Variants in ANTXR1 observed in about 807,000 individuals in gnomAD.
ANTXR1 encodes the protein ANTXR cell adhesion molecule 1.
Under a neutral mutation model 78.1 loss-of-function variants are expected in ANTXR1, and 19 were observed. The observed-to-expected ratio is 0.24, with a 90% CI of 0.17 to 0.36. The LOEUF is 0.36. ANTXR1 is among the 10% of genes least tolerant of loss of function. The pLI, the probability that ANTXR1 is intolerant of heterozygous loss-of-function variation, is 1.00. For missense variants in ANTXR1, 518 were observed against 718.6 expected (o/e 0.72, Z 3.19); for synonymous variants, 273 against 260.5 (o/e 1.05, Z -0.46).
At chr2:69,021,151 T>G (rs1312225709) in intron 1 of ANTXR1, among the ~76,000 whole-genome samples, 2 of 152,208 alleles carry the variant, frequency 1.3e-5, no homozygotes, top group Admixed American at 1.3e-4. Flanking sequence ...TTTGCCTGTA[T>G]GACCCTGTTT....
At chr2:69,159,243 C>A (rs1673613082) in intron 13 of ANTXR1, among the ~76,000 whole-genome samples, 1 of 151,880 alleles carries the variant, frequency 6.6e-6, no homozygotes, top group Admixed American at 6.6e-5. Context: ...ATATGAGAAA[C>A]CCCAAGTGAA....
chr2:69,192,471 C>T (rs1382505393), intron 16 of ANTXR1, among the ~76,000 whole-genome samples: 1 of 152,198 alleles, frequency 6.6e-6, no homozygotes, highest in Non-Finnish European at 1.5e-5. Flanking sequence ...ACATCTCCTT[C>T]TCTGGATTTG....
intron 1 of ANTXR1, among the ~76,000 whole-genome samples, chr2:69,029,614 GT>G (rs1553431266): frequency 6.6e-6 from 1 of 151,736 alleles, no homozygotes; most frequent in Non-Finnish European, 1.5e-5. Flanking sequence ...ACTGGCGTTA[GT>G]TTTTTTACTC....
intron 17 of ANTXR1, among the ~76,000 whole-genome samples, chr2:69,220,950 C>T (rs1158923805): frequency 6.6e-6 from 1 of 152,158 alleles, no homozygotes; most frequent in Non-Finnish European, 1.5e-5. Context: ...TGCTCGTATG[C>T]ACCATCTTAA....
At chr2:69,237,406 C>T (rs1018193466) in intron 17 of ANTXR1, among the ~76,000 whole-genome samples, 8 of 152,206 alleles carry the variant, frequency 5.3e-5, no homozygotes, top group Non-Finnish European at 1.0e-4. Flanking sequence ...ACACACCCTT[C>T]TCTTTGCCCG....
chr2:69,162,508 C>G (rs532271235), intron 13 of ANTXR1, among the ~76,000 whole-genome samples: 1 of 152,284 alleles, frequency 6.6e-6, no homozygotes, highest in East Asian at 1.9e-4. Flanking sequence ...AAACCTGAAA[C>G]CTCTGGCAGG....
At chr2:69,165,769 A>G (rs1214568511) in intron 13 of ANTXR1, among the ~76,000 whole-genome samples, 1 of 152,236 alleles carries the variant, frequency 6.6e-6, no homozygotes, top group Non-Finnish European at 1.5e-5. Context: ...ACTGCACAAG[A>G]CTGTAACAGT....
chr2:69,088,279 G>A (rs1292991781), intron 8 of ANTXR1, among the ~76,000 whole-genome samples: 1 of 152,130 alleles, frequency 6.6e-6, no homozygotes, highest in Non-Finnish European at 1.5e-5. Flanking sequence ...AACTCGGGTT[G>A]GGTAAAAATT....
At chr2:69,230,741 A>G (rs1675574677) in intron 17 of ANTXR1, among the ~76,000 whole-genome samples, 1 of 152,184 alleles carries the variant, frequency 6.6e-6, no homozygotes, top group Non-Finnish European at 1.5e-5. Context: ...ACCCCTTTCC[A>G]GATTGCAACA....
In ANTXR1 at chr2:69,185,873, C is replaced by T. The variant is rs187169215; in HGVS notation, c.1353+3213C>T. Among the ~76,000 whole-genome samples the T allele has an allele frequency of 1.3e-3, 199 of 152,290 alleles. 1 individual carries two copies. Among genetic ancestry groups the T allele is most frequent in the African/African-American group, 4.4e-3 (183 of 41,548 alleles). On this transcript the variant is annotated intron_variant, in intron 16 of 17. Transcript: ENST00000303714. ...GAAGAGCTCCTCGGCAGGACTCCCTCGTTAGGACGTGCAGAGCATGAATCC... is the reference window on the plus strand; with the variant it reads ...GAAGAGCTCCTCGGCAGGACTCCCTTGTTAGGACGTGCAGAGCATGAATCC...
intron 1 of ANTXR1, among the ~76,000 whole-genome samples, chr2:69,015,269 T>C (rs1209125830): frequency 1.2e-5 from 1 of 85,806 alleles, no homozygotes; most frequent in Non-Finnish European, 2.2e-5. Context: ...AGGCTTATCT[T>C]AGCAAAAAAA....
intron 17 of ANTXR1, among the ~76,000 whole-genome samples, chr2:69,230,645 C>A (rs371950738): frequency 6.6e-6 from 1 of 152,136 alleles, no homozygotes; most frequent in East Asian, 1.9e-4. Flanking sequence ...CCTTGAGCTA[C>A]CCACTGGCAG....
At chr2:69,237,208 A>T (rs1675786206) in intron 17 of ANTXR1, among the ~76,000 whole-genome samples, 1 of 152,174 alleles carries the variant, frequency 6.6e-6, no homozygotes, top group South Asian at 2.1e-4. Flanking sequence ...CAGTTCTGGC[A>T]TCCAAAGACA....
chr2:69,145,468 C>T, intron 12 of ANTXR1: 3 of 1,528,374 alleles, frequency 2.0e-6, no homozygotes, highest in Non-Finnish European at 2.6e-6. Flanking sequence ...TCCTTATTTA[C>T]TGAATGAGTG....
chr2:69,201,981 A>G (rs1215162034), intron 17 of ANTXR1, among the ~76,000 whole-genome samples: 1 of 152,044 alleles, frequency 6.6e-6, no homozygotes, highest in Non-Finnish European at 1.5e-5. Context: ...GCCTCCTTAA[A>G]TTTTGTGCCC....
rs1297812412 is a variant in ANTXR1, at chr2:69,180,224, C to T, written c.1090-1562C>T. Among the ~76,000 whole-genome samples the T allele has an allele frequency of 3.3e-5, 5 of 152,230 alleles. No individual in the cohort carries two copies. In the South Asian group the frequency reaches 8.3e-4, roughly 25 times the overall value. On this transcript the variant is annotated intron_variant, in intron 14 of 17. Coordinates refer to ENST00000303714, the MANE Select transcript of ANTXR1 (RefSeq NM_032208.3). ...TTGCCTCCTGCATGGGGTGCCCCAT[C>T]CCACGCAGTGGTGCCCTGCATAGGA...
At chr2:69,083,215 G>A (rs1268188170) in intron 8 of ANTXR1, among the ~76,000 whole-genome samples, 1 of 152,176 alleles carries the variant, frequency 6.6e-6, no homozygotes, top group Non-Finnish European at 1.5e-5. Flanking sequence ...ACTGCAAAGG[G>A]TTTTCCTGTG....
chr2:69,193,542 A>C (rs1450061509), intron 17 of ANTXR1, 127 bp downstream of exon 17: 4 of 839,758 alleles, frequency 4.8e-6, no homozygotes, highest in South Asian at 4.2e-5. Flanking sequence ...TTTGGATTCT[A>C]AAACAGAGCT....
intron 1 of ANTXR1, among the ~76,000 whole-genome samples, chr2:69,028,790 T>C (rs1671433059): frequency 1.3e-5 from 2 of 152,098 alleles, no homozygotes; most frequent in South Asian, 4.2e-4. Flanking sequence ...AAATACACTG[T>C]TTCTGAATAT....
Sources: allele counts gnomAD v4.1 joint callset (sites outside exome capture counted in the v4.1 genomes callset), GRCh38; gene constraint gnomAD v4.1.1; transcripts MANE v1.5; gene names NCBI Gene and HGNC (gene_info 2026-07-23, HGNC 2026-07-21).